Variants in TSNAX observed in about 807,000 individuals in gnomAD.
TSNAX encodes translin associated factor X, also known as translin-associated protein X.
TSNAX carries 12 observed loss-of-function variants against 33.0 expected under a neutral mutation model. The ratio of observed to expected loss-of-function variants is 0.36; its 90% confidence interval spans 0.23 to 0.59. TSNAX has a LOEUF of 0.59. Ranked by LOEUF, TSNAX falls within the 20% of genes least tolerant of loss-of-function variation. The probability of loss-of-function intolerance (pLI) is 0.74; values close to 1 mark genes in which losing one functional copy is unlikely to be tolerated. For missense variants in TSNAX, 267 were observed against 341.3 expected (o/e 0.78, Z 1.72); for synonymous variants, 110 against 117.2 (o/e 0.94, Z 0.40).
intron 3 of TSNAX, among the ~76,000 whole-genome samples, chr1:231,538,913 C>T (rs1011292315): frequency 4.2e-5 from 6 of 141,298 alleles, no homozygotes; most frequent in African/African-American, 1.6e-4. Flanking sequence ...GCCTGGGCGA[C>T]AGAATGAGAC....
chr1:231,529,422 G>A, intron 2 of TSNAX, 63 bp downstream of exon 2: 3 of 1,532,868 alleles, frequency 2.0e-6, no homozygotes, highest in Non-Finnish European at 2.7e-6. Context: ...CCATGGTTAT[G>A]CGCAAGAAAA....
chr1:231,566,316 C>T lies in TSNAX; in HGVS notation c.*1411C>T, dbSNP rs1661435872. 1 of 152,536 alleles carries T rather than the reference C, an allele frequency of 6.6e-6. No homozygotes were observed. Among genetic ancestry groups the T allele is most frequent in the South Asian group, 2.1e-4 (1 of 4,824 alleles). 9.4% of individuals were successfully genotyped at this position (152,536 alleles called of 1,614,324 possible). Reference sequence around the variant, plus strand: ...AATATTTAGAATTGGAATTTGCCTACTGAAATAGTTATAGATGATTACTTG... The same window carrying T: ...AATATTTAGAATTGGAATTTGCCTATTGAAATAGTTATAGATGATTACTTG... On this transcript the variant is annotated 3_prime_UTR_variant, in exon 6 of 6. Coordinates refer to ENST00000366639, the MANE Select transcript of TSNAX (RefSeq NM_005999.3).
rs533335935 is a variant in TSNAX, at chr1:231,547,849, T to A, written c.367+5238T>A. ...CAAAAAACCATTGCTTTCTTTTTTT[T>A]TTTTTTTTTTTGAGACAGTCTCACT... On this transcript the variant is annotated intron_variant, in intron 4 of 5. Coordinates refer to ENST00000366639, the MANE Select transcript of TSNAX (RefSeq NM_005999.3). Among the ~76,000 whole-genome samples the A allele has an allele frequency of 2.7e-5, 4 of 149,682 alleles. No individual in the cohort carries two copies. The East Asian group carries it at 7.9e-4, about 29-fold the overall frequency.
At chr1:231,538,907 G>A (rs1272732944) in intron 3 of TSNAX, among the ~76,000 whole-genome samples, 1 of 150,660 alleles carries the variant, frequency 6.6e-6, no homozygotes, top group Admixed American at 6.6e-5. Flanking sequence ...ACCCCAGCCT[G>A]GGCGACAGAA....
intron 2 of TSNAX, among the ~76,000 whole-genome samples, chr1:231,533,237 G>A (rs183908959): frequency 1.3e-5 from 2 of 151,952 alleles, no homozygotes; most frequent in Admixed American, 6.6e-5. Flanking sequence ...TAGCTGGGAC[G>A]ACAGGCCTGT....
intron 4 of TSNAX, among the ~76,000 whole-genome samples, chr1:231,548,079 C>T (rs1042632027): frequency 3.9e-5 from 6 of 152,014 alleles, no homozygotes; most frequent in Middle Eastern, 3.2e-3. Context: ...GTGATCCGCC[C>T]GCCTTGGCCT....
At chr1:231,560,933 TACAGGCG>T (rs576412373) in intron 4 of TSNAX, among the ~76,000 whole-genome samples, 188 bp from the exon 5 acceptor site, 105 of 152,322 alleles carry the variant, frequency 6.9e-4, no homozygotes, top group Middle Eastern at 6.8e-3. Context: ...GTGCTGGGAT[TACAGGCG>T]TGAGCCACCG....
At position 231,561,229 on chromosome 1, in the gene TSNAX, G is replaced by A. The variant is rs947882979; in HGVS notation, c.469G>A (p.Glu157Lys). 3.2e-6 allele frequency: 5 copies of A among 1,551,614 alleles called. No individual in the cohort carries two copies. Among genetic ancestry groups the A allele is most frequent in the Non-Finnish European group, 4.4e-6 (5 of 1,135,292 alleles). The change falls in exon 5 of 6, where the codon GAA (glutamate) becomes AAA (lysine). Residue 157 changes from glutamate to lysine, a missense_variant. Glu to Lys is a moderately conservative substitution (Grantham distance 56). Around this residue, in one of 2 missense-constraint regions of TSNAX, gnomAD observed 200 missense variants for 214.1 expected, o/e 0.93. Transcript: ENST00000366639. ...EINKQLIFTTEDNGKENKTPS... is the reference protein window; with the variant it reads ...EINKQLIFTTKDNGKENKTPS... ...TAATAAACAATTGATATTTACGACT[G>A]AAGACAATGGGAAAGAAAATAAAAC...
intron 5 of TSNAX, among the ~76,000 whole-genome samples, chr1:231,564,138 T>C (rs1661284783): frequency 6.6e-6 from 1 of 152,162 alleles, no homozygotes; most frequent in Non-Finnish European, 1.5e-5. Flanking sequence ...AGGAAAACAT[T>C]AATGGATCAC....
At chr1:231,543,095 T>C (rs1406017506) in intron 4 of TSNAX, among the ~76,000 whole-genome samples, 15 of 151,812 alleles carry the variant, frequency 9.9e-5, no homozygotes, top group African/African-American at 3.4e-4. Context: ...GGAGAATCAC[T>C]TGAACCCGGG....
Position 231,542,441 on chromosome 1 carries a change from G to A in TSNAX, c.237-40G>A, listed in dbSNP as rs754342660. 8.1e-6 allele frequency: 13 copies of A among 1,605,592 alleles called. No individual in the cohort carries two copies. In the East Asian group the frequency reaches 1.3e-4, roughly 17 times the overall value. On this transcript the variant is annotated intron_variant, in intron 3 of 5. Coordinates refer to ENST00000366639, the MANE Select transcript of TSNAX (RefSeq NM_005999.3). ...GTTATTTTAGTTTTTCACTGTTAAA[G>A]CATCTGATGTTCTAAAAGTTCCCAA...
At position 231,529,428 on chromosome 1, in the gene TSNAX, G is replaced by C. The variant is rs1264793723; in HGVS notation, c.121+69G>C. The stretch of plus-strand genomic sequence containing the variant: ...ATTATTTAGCCATGGTTATGCGCAA[G>C]AAAACAGTCCCTAAGAATTTAATGT... On this transcript the variant is annotated intron_variant, in intron 2 of 5. Coordinates refer to ENST00000366639, the MANE Select transcript of TSNAX (RefSeq NM_005999.3). 8.9e-6 allele frequency: 13 copies of C among 1,467,304 alleles called. No homozygotes were observed. The African/African-American group carries it at 1.7e-4, about 19-fold the overall frequency. 90.9% of individuals were successfully genotyped at this position (1,467,304 alleles called of 1,614,324 possible). A position where few individuals can be genotyped will look rare whatever the true frequency, so the allele number is the denominator to read the frequency against.
intron 5 of TSNAX, 126 bp from the exon 6 acceptor site, chr1:231,564,402 G>T: frequency 6.8e-7 from 1 of 1,467,234 alleles, no homozygotes; most frequent in Non-Finnish European, 9.0e-7. Flanking sequence ...AAATTAGTAT[G>T]ACTGATTTGC....
At chr1:231,542,672 T>C in intron 4 of TSNAX, 61 bp downstream of exon 4, 1 of 1,526,234 alleles carries the variant, frequency 6.6e-7, no homozygotes, top group Non-Finnish European at 8.9e-7. Context: ...ATGATTAACA[T>C]GTGAGTTGCA....
intron 4 of TSNAX, among the ~76,000 whole-genome samples, chr1:231,559,985 A>ATTT (rs1220762707): frequency 2.1e-5 from 3 of 142,338 alleles, no homozygotes; most frequent in African/African-American, 5.2e-5. Context: ...TATTATTATT[A>ATTT]TTTTTTTTTT....
intron 2 of TSNAX, chr1:231,535,656 A>C (rs1659115525): frequency 6.6e-6 from 1 of 152,228 alleles, no homozygotes; most frequent in Non-Finnish European, 1.5e-5. Flanking sequence ...TATATGTAAT[A>C]GATAGAAACA....
intron 2 of TSNAX, among the ~76,000 whole-genome samples, chr1:231,532,185 C>CAG (rs1553265125): frequency 2.1e-4 from 24 of 116,136 alleles, no homozygotes; most frequent in African/African-American, 5.0e-4. Flanking sequence ...CACACACACA[C>CAG]AGTTTTGGTT....
At position 231,566,363 on chromosome 1, in the gene TSNAX, A is replaced by G. The variant is rs933668045; in HGVS notation, c.*1458A>G. The G allele has an allele frequency of 6.6e-6, 1 of 152,628 alleles. No individual in the cohort carries two copies. The highest frequency in any genetic ancestry group is 1.5e-5 in the Non-Finnish European group (1 of 68,036). 9.5% of individuals were successfully genotyped at this position (152,628 alleles called of 1,614,324 possible). On this transcript the variant is annotated 3_prime_UTR_variant, in exon 6 of 6. Coordinates refer to ENST00000366639, the MANE Select transcript of TSNAX (RefSeq NM_005999.3). Reference sequence around the variant, plus strand: ...CTTGTGATGTGAAACTGAATTGAGCATGACAACCAGACATTTCCAGTTGGT... The same window carrying G: ...CTTGTGATGTGAAACTGAATTGAGCGTGACAACCAGACATTTCCAGTTGGT...
At chr1:231,561,028 T>A in intron 4 of TSNAX, 100 bp from the exon 5 acceptor site, 3 of 1,242,852 alleles carry the variant, frequency 2.4e-6, no homozygotes, top group South Asian at 2.7e-5. Flanking sequence ...CCATTAAGCT[T>A]TTTTTTGAAC....
Sources: gnomAD v4.1 joint callset for allele counts (sites outside exome capture counted in the v4.1 genomes callset) on GRCh38, gnomAD v4.1.1 for gene constraint, gnomAD v4.1.1 regional missense constraint, MANE v1.5 for transcripts, NCBI Gene and HGNC (gene_info 2026-07-23, HGNC 2026-07-21) for gene names.